The following CHD6 variants were observed in gnomAD, a reference collection of about 807,000 sequenced individuals.
The protein encoded by CHD6 is ATP-dependent chromatin remodeler CHD6.
CHD6 carries 50 observed loss-of-function variants against 276.9 expected under a neutral mutation model. The observed-to-expected ratio is 0.18, with a 90% CI of 0.14 to 0.23. The LOEUF (loss-of-function observed/expected upper bound fraction) is 0.23. Among genes scored for constraint, CHD6 ranks in the 10% least tolerant of loss-of-function variants. The pLI, the probability that CHD6 is intolerant of heterozygous loss-of-function variation, is 1.00. For missense variants in CHD6, 2,564 were observed against 3,365.8 expected, an observed-to-expected ratio of 0.76 and a Z score of 5.89; for synonymous variants, 1,173 against 1,229.3, an observed-to-expected ratio of 0.95 and a Z score of 0.96.
intron 1 of CHD6, among the ~76,000 whole-genome samples, chr20:41,589,742 T>C (rs1001897251): frequency 1.3e-5 from 2 of 152,168 alleles, no homozygotes; most frequent in Non-Finnish European, 2.9e-5. Context: ...TGGAAGAACA[T>C]TCCATGCTCA....
Position 41,499,333 on chromosome 20 carries a change from T to C in CHD6, c.877A>G (p.Ile293Val). 1.9e-6 allele frequency: 3 copies of C among 1,606,348 alleles called. No homozygotes were observed. The highest frequency in any genetic ancestry group is 2.6e-6 in the Non-Finnish European group (3 of 1,176,214). Residue 293 changes from isoleucine to valine, a missense_variant, in exon 6 of 37, where the codon ATC becomes GTC. Ile to Val is a conservative substitution (Grantham distance 29). This residue lies in a region of CHD6 where 457 missense variants were observed against 889.0 expected (regional missense o/e 0.51). Coordinates refer to ENST00000373233, the MANE Select transcript of CHD6 (RefSeq NM_032221.5). ...TTAGATGCCAGGATCTTCTCAATGA[T>C]GTTTGCATCATCTTCTGGAGGCTCC... is the stretch of plus-strand genomic sequence containing the variant. ...AEEPPEDDAN[I>V]IEKILASKTV...
In CHD6 at chr20:41,403,215, G is replaced by A; in HGVS notation, c.*1378C>T. 4 of 1,008,236 alleles carry A rather than the reference G, an allele frequency of 4.0e-6. No homozygotes were observed. Among genetic ancestry groups the A allele is most frequent in the Non-Finnish European group, 4.8e-6 (4 of 828,150 alleles). The allele number at this position is 1,008,236 out of a possible 1,614,324, so 62.5% of individuals were successfully genotyped here. ...ATTGTGACAACAAAAAGTGAAACTG[G>A]TACTAGTAACACTTGCAACATTTCC... is the stretch of plus-strand genomic sequence containing the variant. On this transcript the variant is annotated 3_prime_UTR_variant, in exon 37 of 37. Coordinates refer to ENST00000373233, the MANE Select transcript of CHD6 (RefSeq NM_032221.5).
At chr20:41,502,493 G>T (rs1033328184) in intron 5 of CHD6, among the ~76,000 whole-genome samples, 4 of 152,112 alleles carry the variant, frequency 2.6e-5, no homozygotes, top group Non-Finnish European at 5.9e-5. Flanking sequence ...TGTTCAGCTG[G>T]TCTATTTGAC....
intron 2 of CHD6, among the ~76,000 whole-genome samples, chr20:41,549,964 A>G (rs1260520911): frequency 6.6e-6 from 1 of 152,008 alleles, no homozygotes; most frequent in African/African-American, 2.4e-5. Context: ...ATGCCTGGCT[A>G]ATTTTTTTGT....
intron 32 of CHD6, among the ~76,000 whole-genome samples, 190 bp downstream of exon 32, chr20:41,417,008 C>A (rs7351248): frequency 6.6e-6 from 1 of 152,148 alleles, no homozygotes; most frequent in Non-Finnish European, 1.5e-5. Flanking sequence ...AATTTGACAC[C>A]TTCATCTTAC....
intron 1 of CHD6, among the ~76,000 whole-genome samples, chr20:41,584,761 T>C (rs1414489557): frequency 6.6e-6 from 1 of 151,916 alleles, no homozygotes; most frequent in African/African-American, 2.4e-5. Flanking sequence ...TGGAATAGAA[T>C]CAAAATCAAA....
chr20:41,419,495 C>A (rs961257226), intron 31 of CHD6, among the ~76,000 whole-genome samples: 6 of 125,814 alleles, frequency 4.8e-5, no homozygotes, highest in Non-Finnish European at 9.4e-5. Flanking sequence ...GCACAGGTTG[C>A]AGTGAGCTGA....
rs746378563 is a variant in CHD6 at position 41,417,193 on chromosome 20, G to A, written c.6279+5C>T. The A allele has an allele frequency of 1.2e-6, 2 of 1,609,946 alleles. No homozygotes were observed. The highest frequency in any genetic ancestry group is 4.5e-5 in the East Asian group (2 of 44,834). On this transcript the variant is annotated splice_donor_5th_base_variant and intron_variant, in intron 32 of 36. Coordinates refer to ENST00000373233, the MANE Select transcript of CHD6 (RefSeq NM_032221.5). ...GTAGGGTGGGAAACGCAAGCTCTGG[G>A]GTACCTTTGGCCACTCAGAGAAGGA...
At chr20:41,567,075 C>T (rs557111237) in intron 1 of CHD6, among the ~76,000 whole-genome samples, 250 of 152,302 alleles carry the variant, frequency 1.6e-3, no homozygotes, top group African/African-American at 5.8e-3. Context: ...GCCTACACAG[C>T]TCTTAACTGT....
At chr20:41,447,767 CAGGGGGTAGGAGGAACATGGGCCTCT>C in intron 24 of CHD6, 89 bp downstream of exon 24, 1 of 621,110 alleles carries the variant, frequency 1.6e-6, no homozygotes, top group Non-Finnish European at 2.8e-6. Context: ...CGGTCCTGGG[CAGGGGGTAGGAGGAACATGGGCCTCT>C]TTAAGCACAG....
chr20:41,411,375 G>A (rs542350296), intron 36 of CHD6, among the ~76,000 whole-genome samples: 1 of 151,640 alleles, frequency 6.6e-6, no homozygotes, highest in East Asian at 2.0e-4. Flanking sequence ...GTAGCTGGCA[G>A]AGTACTTAAG....
chr20:41,573,924 C>G (rs1480724389), intron 1 of CHD6, among the ~76,000 whole-genome samples: 1 of 152,152 alleles, frequency 6.6e-6, no homozygotes, highest in Non-Finnish European at 1.5e-5. Flanking sequence ...CAAACAAACT[C>G]CCAGCTCTGG....
intron 1 of CHD6, among the ~76,000 whole-genome samples, chr20:41,578,925 T>G (rs1254726998): frequency 3.7e-4 from 56 of 149,802 alleles, no homozygotes; most frequent in Non-Finnish European, 3.3e-4. Flanking sequence ...AGGTCAGGAG[T>G]TCGAGACCAG....
intron 8 of CHD6, among the ~76,000 whole-genome samples, chr20:41,494,910 A>C (rs944446279): frequency 1.3e-5 from 2 of 152,176 alleles, no homozygotes; most frequent in African/African-American, 2.4e-5. Flanking sequence ...GATCTTTATC[A>C]TTAGTAAATT....
intron 1 of CHD6, among the ~76,000 whole-genome samples, chr20:41,569,663 C>T (rs1309485038): frequency 1.3e-5 from 2 of 152,042 alleles, no homozygotes; most frequent in African/African-American, 2.4e-5. Context: ...ACAGTCAGCC[C>T]TCCACATCCT....
chr20:41,422,574 G>A (rs762424123), intron 30 of CHD6, among the ~76,000 whole-genome samples: 37 of 152,296 alleles, frequency 2.4e-4, no homozygotes, highest in Non-Finnish European at 4.7e-4. Context: ...GAACCCAGGA[G>A]TTTGAGGTTA....
At position 41,562,468 on chromosome 20, in the gene CHD6, G is replaced by A. The variant is rs1462315502; in HGVS notation, c.-23-11108C>T. On this transcript the variant is annotated intron_variant, in intron 1 of 36. Coordinates refer to ENST00000373233, the MANE Select transcript of CHD6 (RefSeq NM_032221.5). Reference sequence around the variant, plus strand: ...GAATATTTTTGCCTTAAAGGTGCCAGAGCACCAAAATATACTGAGGGTTTG... The same window carrying A: ...GAATATTTTTGCCTTAAAGGTGCCAAAGCACCAAAATATACTGAGGGTTTG... 4.6e-5 allele frequency among the ~76,000 whole-genome samples: 7 copies of A among 151,146 alleles called. No homozygotes were observed. In the East Asian group the frequency reaches 1.4e-3, roughly 29 times the overall value.
At chr20:41,559,186 C>CT (rs1193123159) in intron 1 of CHD6, among the ~76,000 whole-genome samples, 2 of 150,470 alleles carry the variant, frequency 1.3e-5, no homozygotes, top group African/African-American at 4.9e-5. Flanking sequence ...ACAAAGTAAA[C>CT]TTTGTCTTGT....
chr20:41,425,540 G>A, intron 28 of CHD6, 146 bp from the exon 29 acceptor site: 1 of 821,686 alleles, frequency 1.2e-6, no homozygotes, highest in East Asian at 2.7e-5. Context: ...CAGGAGCAAG[G>A]CATGACTGGA....
Sources: allele counts gnomAD v4.1 joint callset (sites outside exome capture counted in the v4.1 genomes callset), GRCh38; gene constraint gnomAD v4.1.1; regional missense constraint gnomAD v4.1.1; transcripts MANE v1.5; gene names NCBI Gene and HGNC (gene_info 2026-07-23, HGNC 2026-07-21).